CTSH: variants seen among roughly 807,000 people sequenced by gnomAD.
The protein encoded by CTSH is pro-cathepsin H.
Under a neutral mutation model 56.3 loss-of-function variants are expected in CTSH, and 52 were observed. The ratio of observed to expected loss-of-function variants is 0.92; its 90% CI spans 0.74 to 1.16. The LOEUF (loss-of-function observed/expected upper bound fraction) is 1.16, where lower values mean the gene tolerates loss of function less well. Among genes scored for constraint, CTSH ranks in the 50% most tolerant of loss-of-function variants. The pLI, the probability that CTSH is intolerant of heterozygous loss-of-function variation, is 0.00. For synonymous variants in CTSH, 174 were observed against 155.7 expected (o/e 1.12, Z -0.88); for missense variants, 406 against 424.5 (o/e 0.96, Z 0.38).
intron 1 of CTSH, among the ~76,000 whole-genome samples, chr15:78,939,719 C>T (rs2055248892): frequency 6.6e-6 from 1 of 152,158 alleles, no homozygotes; most frequent in Admixed American, 6.5e-5. Flanking sequence ...GAAACCCTGT[C>T]TCCACAAAAA....
chr15:78,940,141 T>C (rs1439697824), intron 1 of CTSH, among the ~76,000 whole-genome samples: 1 of 151,856 alleles, frequency 6.6e-6, no homozygotes, highest in African/African-American at 2.4e-5. Flanking sequence ...AAAAACATAA[T>C]AAAACAAACA....
chr15:78,943,775 G>A (rs889424556), intron 1 of CTSH, among the ~76,000 whole-genome samples: 9 of 152,192 alleles, frequency 5.9e-5, no homozygotes, highest in Non-Finnish European at 1.0e-4. Flanking sequence ...GTTATTTACC[G>A]TCTGGTCTTT....
intron 11 of CTSH, among the ~76,000 whole-genome samples, 160 bp from the exon 12 acceptor site, chr15:78,922,365 G>T (rs957332955): frequency 6.6e-6 from 1 of 152,130 alleles, no homozygotes; most frequent in Non-Finnish European, 1.5e-5. Flanking sequence ...GGCAAATCAC[G>T]GACCTGACTT....
chr15:78,928,858 G>C (rs1012789365), intron 8 of CTSH, among the ~76,000 whole-genome samples: 1 of 152,176 alleles, frequency 6.6e-6, no homozygotes, highest in African/African-American at 2.4e-5. Flanking sequence ...GGCCCAACAG[G>C]ACTGTGGACA....
At chr15:78,924,199 G>T (rs535039437) in intron 10 of CTSH, among the ~76,000 whole-genome samples, 64 of 151,296 alleles carry the variant, frequency 4.2e-4, no homozygotes, top group African/African-American at 1.2e-3. Context: ...TGGGGTGGGG[G>T]CTGCAGGGTG....
At chr15:78,924,661 A>T (rs1009045051) in intron 10 of CTSH, among the ~76,000 whole-genome samples, 2 of 150,346 alleles carry the variant, frequency 1.3e-5, no homozygotes, top group Non-Finnish European at 3.0e-5. Flanking sequence ...TCTTCTCCCT[A>T]TTTTACGTCT....
At chr15:78,925,536 C>A in intron 9 of CTSH, 96 bp from the exon 10 acceptor site, 1 of 790,856 alleles carries the variant, frequency 1.3e-6, no homozygotes, top group Non-Finnish European at 2.1e-6. Context: ...GCTAGAGGCC[C>A]AGAGCAGCAT....
chr15:78,924,096 C>CGGGGGGGGGG (rs71148579), intron 10 of CTSH, among the ~76,000 whole-genome samples: 1 of 26,184 alleles, frequency 3.8e-5, no homozygotes, highest in Non-Finnish European at 1.0e-4. Flanking sequence ...TCCAACCCAG[C>CGGGGGGGGGG]GGGGGGGGGG....
rs1450416198 is a variant in CTSH at position 78,927,780 on chromosome 15, T to A, written c.632A>T (p.Asp211Val). 6.2e-7 allele frequency: 1 copy of A among 1,613,886 alleles called. No homozygotes were observed. The highest frequency in any genetic ancestry group is 8.5e-7 in the Non-Finnish European group (1 of 1,179,912). The change falls in exon 9 of 12, where the codon GAT becomes GTT. Residue 211 changes from aspartate to valine, a missense_variant and splice_region_variant. By Grantham distance (152) the Asp-to-Val change is radical (BLOSUM62 -3). Transcript: ENST00000220166. The stretch of plus-strand genomic sequence containing the variant: ...TCCAGGTTGGAACTTGCAATAACCA[T>A]CCTGTTGAGGATGCAAAGGGCATGA... ...GEDTYPYQGK[D>V]GYCKFQPGKA...
At chr15:78,944,175 AC>A (rs1271568989) in intron 1 of CTSH, among the ~76,000 whole-genome samples, 2 of 152,082 alleles carry the variant, frequency 1.3e-5, no homozygotes, top group African/African-American at 2.4e-5. Context: ...TGAGGCTGGG[AC>A]CAGGGACAGT....
chr15:78,934,956 G>A (rs761122599), intron 5 of CTSH, 22 bp downstream of exon 5: 1 of 1,509,520 alleles, frequency 6.6e-7, no homozygotes, highest in Non-Finnish European at 9.2e-7. Flanking sequence ...TGCAGGGAGA[G>A]GATGGAGATT....
In CTSH at chr15:78,937,128, G is replaced by C. The variant is rs963914196; in HGVS notation, c.229+190C>G. 4 of 586,872 alleles carry C rather than the reference G, an allele frequency of 6.8e-6. No individual in the cohort carries two copies. The African/African-American group carries it at 7.5e-5, about 11-fold the overall frequency. The allele number at this position is 586,872 out of a possible 1,614,324, so 36.4% of individuals were successfully genotyped here. A position where few individuals can be genotyped will look rare whatever the true frequency, so the allele number is the denominator to read the frequency against. Reference sequence around the variant, plus strand: ...CTTCACAACCACCCAGAGGGGTACCGGCTTTGTCCCAAATTTACGATCCCA... The same window carrying C: ...CTTCACAACCACCCAGAGGGGTACCCGCTTTGTCCCAAATTTACGATCCCA... On this transcript the variant is annotated intron_variant, in intron 3 of 11. Transcript: ENST00000220166.
chr15:78,943,049 G>A (rs560129073), intron 1 of CTSH, among the ~76,000 whole-genome samples: 22 of 152,226 alleles, frequency 1.4e-4, no homozygotes, highest in African/African-American at 4.6e-4. Flanking sequence ...CTCAACTCAG[G>A]ACAAGAGTTG....
At chr15:78,934,838 G>C (rs2055139233) in intron 5 of CTSH, 140 bp downstream of exon 5, 1 of 720,988 alleles carries the variant, frequency 1.4e-6, no homozygotes, top group African/African-American at 1.7e-5. Flanking sequence ...CAAAGGAAGA[G>C]GGCTGGAGAG....
chr15:78,940,481 G>A (rs2055264485), intron 1 of CTSH, among the ~76,000 whole-genome samples: 1 of 151,344 alleles, frequency 6.6e-6, no homozygotes, highest in African/African-American at 2.4e-5. Flanking sequence ...AGGCTGCAAT[G>A]AGCTATGATA....
intron 1 of CTSH, among the ~76,000 whole-genome samples, chr15:78,940,710 G>A (rs753717235): frequency 6.6e-6 from 1 of 152,228 alleles, no homozygotes; most frequent in African/African-American, 2.4e-5. Context: ...TGTAATCCCA[G>A]CACTTTGGGA....
At chr15:78,933,013 G>C (rs1295129439) in intron 5 of CTSH, among the ~76,000 whole-genome samples, 1 of 152,118 alleles carries the variant, frequency 6.6e-6, no homozygotes, top group African/African-American at 2.4e-5. Flanking sequence ...CCTCCACTTA[G>C]GCTCAGACAT....
At chr15:78,922,328 C>T in intron 11 of CTSH, 123 bp from the exon 12 acceptor site, 1 of 743,172 alleles carries the variant, frequency 1.3e-6, no homozygotes, top group Non-Finnish European at 2.3e-6. Flanking sequence ...ATTCATAAAA[C>T]AGTAGCATTC....
rs756842363 is a variant in CTSH at position 78,935,012 on chromosome 15, T to C, written c.371A>G (p.Lys124Arg). ...CACAGGTGAGACAAAATTTCCTTTT[T>C]TCCGCCAGTCCACGGAAGGTGGGTA... The part of the protein sequence containing the change: ...GPYPPSVDWR[K>R]KGNFVSPVKN... The change falls in exon 5 of 12, where the codon AAA becomes AGA. Residue 124 changes from lysine (K) to arginine (R), a missense_variant. Coordinates refer to ENST00000220166, the MANE Select transcript of CTSH (RefSeq NM_004390.5). 2.5e-6 allele frequency: 4 copies of C among 1,614,040 alleles called. No individual in the cohort carries two copies. The highest frequency in any genetic ancestry group is 1.3e-5 in the African/African-American group (1 of 74,930).
Sources: allele counts gnomAD v4.1 joint callset (sites outside exome capture counted in the v4.1 genomes callset), GRCh38; gene constraint gnomAD v4.1.1; transcripts MANE v1.5; gene names NCBI Gene and HGNC (gene_info 2026-07-23, HGNC 2026-07-21).